SV2C: variants seen among roughly 807,000 people sequenced by gnomAD.
SV2C encodes solute carrier family 22 member B3.
SV2C carries 49 observed loss-of-function variants against 79.7 expected under a neutral mutation model. The observed-to-expected ratio is 0.61, with a 90% CI of 0.49 to 0.78. The LOEUF (loss-of-function observed/expected upper bound fraction) is 0.78. Among genes scored for constraint, SV2C ranks in the 30% least tolerant of loss-of-function variants. The pLI is 0.00. For synonymous variants in SV2C, 334 were observed against 333.2 expected (o/e 1.00, Z -0.03); for missense variants, 833 against 912.9 (o/e 0.91, Z 1.13).
rs568600852 is a variant in SV2C at position 76,131,748 on chromosome 5, A to G, written c.-3A>G. 32 of 1,591,588 alleles carry G rather than the reference A, an allele frequency of 2.0e-5. No homozygotes were observed. In the East Asian group the frequency reaches 6.5e-4, roughly 32 times the overall value. On this transcript the variant is annotated 5_prime_UTR_variant, in exon 2 of 13. It adds an upstream start codon to the 5' untranslated region. Coordinates refer to ENST00000502798, the MANE Select transcript of SV2C (RefSeq NM_014979.4). ...CTTCTCATTGGCCATCAGTTGAGATAAGATGGAAGACTCTTACAAGGATAG... is the reference window on the plus strand; with the variant it reads ...CTTCTCATTGGCCATCAGTTGAGATGAGATGGAAGACTCTTACAAGGATAG...
chr5:76,343,929 A>T (rs1749489774), intron 12 of SV2C, among the ~76,000 whole-genome samples: 1 of 152,140 alleles, frequency 6.6e-6, no homozygotes. Flanking sequence ...GCTGAGGTGG[A>T]AGGATTGATT....
At chr5:76,185,360 G>A (rs769311858) in intron 2 of SV2C, among the ~76,000 whole-genome samples, 46 of 152,260 alleles carry the variant, frequency 3.0e-4, no homozygotes, top group Non-Finnish European at 5.6e-4. Context: ...AGCTCCGTTA[G>A]GCAGTGCCAC....
At chr5:76,268,205 T>G (rs1372920131) in intron 4 of SV2C, among the ~76,000 whole-genome samples, 1 of 152,012 alleles carries the variant, frequency 6.6e-6, no homozygotes. Flanking sequence ...ATAACCTGAT[T>G]GTGGGCAGAT....
chr5:75,853,285 G>T, the SV2C span, among the ~76,000 whole-genome samples: 16,842 of 152,010 alleles, frequency 0.11, 1,001 homozygotes, highest in East Asian at 0.16. Context: ...GGCCGGGCGC[G>T]GTGGCTCACG....
At chr5:76,085,410 C>T (rs969864524) in intron 1 of SV2C, among the ~76,000 whole-genome samples, 2 of 152,162 alleles carry the variant, frequency 1.3e-5, no homozygotes, top group Non-Finnish European at 2.9e-5. Context: ...ATCAAATCCA[C>T]GATCCATTTT....
the SV2C span, among the ~76,000 whole-genome samples, chr5:76,068,975 CA>C: frequency 3.9e-5 from 6 of 152,000 alleles, no homozygotes; most frequent in African/African-American, 1.5e-4. Flanking sequence ...GCAAAGTATA[CA>C]AAAAATGAAG....
the SV2C span, among the ~76,000 whole-genome samples, chr5:75,940,633 C>T: frequency 6.6e-6 from 1 of 152,124 alleles, no homozygotes; most frequent in Admixed American, 6.6e-5. Flanking sequence ...TTTCTTACTC[C>T]AGAGTGTGAC....
chr5:76,022,673 T>C, the SV2C span, among the ~76,000 whole-genome samples: 1 of 152,212 alleles, frequency 6.6e-6, no homozygotes, highest in Non-Finnish European at 1.5e-5. Flanking sequence ...AAAATTCCCT[T>C]GTAAGCTTTT....
At chr5:75,911,286 C>T in the SV2C span, 1 of 1,439,834 alleles carries the variant, frequency 6.9e-7, no homozygotes, top group African/African-American at 1.4e-5. Context: ...CATCACCAGG[C>T]AGAACCCTGA....
intron 2 of SV2C, among the ~76,000 whole-genome samples, chr5:76,157,717 G>C (rs1742775146): frequency 6.6e-6 from 1 of 150,580 alleles, no homozygotes; most frequent in African/African-American, 2.4e-5. Flanking sequence ...ACAAACGAAG[G>C]GATCCACAAA....
At chr5:76,182,875 G>A (rs1743781416) in intron 2 of SV2C, among the ~76,000 whole-genome samples, 1 of 151,982 alleles carries the variant, frequency 6.6e-6, no homozygotes, top group South Asian at 2.1e-4. Context: ...AAGGTGAAGT[G>A]GGAGCAGGCA....
the SV2C span, among the ~76,000 whole-genome samples, chr5:76,041,981 C>G: frequency 1.3e-5 from 2 of 152,174 alleles, no homozygotes; most frequent in Non-Finnish European, 2.9e-5. Context: ...CCCACAGCAG[C>G]TCCTCTGGCT....
chr5:76,335,757 G>A (rs959305515), downstream of SV2C, among the ~76,000 whole-genome samples: 1 of 152,162 alleles, frequency 6.6e-6, no homozygotes, highest in African/African-American at 2.4e-5. Context: ...CAGATCAACA[G>A]GATCACAAGG....
At chr5:75,949,733 A>G in the SV2C span, among the ~76,000 whole-genome samples, 1 of 152,054 alleles carries the variant, frequency 6.6e-6, no homozygotes, top group African/African-American at 2.4e-5. Flanking sequence ...TCTCCAAGCC[A>G]TGTGGCACAG....
chr5:76,260,158 CATT>C (rs1316940630), intron 4 of SV2C, among the ~76,000 whole-genome samples: 2 of 152,150 alleles, frequency 1.3e-5, no homozygotes, highest in Non-Finnish European at 2.9e-5. Context: ...GATGGTATAT[CATT>C]GTGATTTTGA....
chr5:76,085,616 A>G (rs1053137981), intron 1 of SV2C, among the ~76,000 whole-genome samples: 11 of 152,060 alleles, frequency 7.2e-5, no homozygotes, highest in African/African-American at 1.7e-4. Flanking sequence ...GCTAGTCACC[A>G]TTTCCCCAAA....
the SV2C span, among the ~76,000 whole-genome samples, chr5:75,971,812 T>C: frequency 6.6e-6 from 1 of 152,028 alleles, no homozygotes; most frequent in African/African-American, 2.4e-5. Context: ...CTTCACAGAA[T>C]TGGAAAAAAC....
chr5:76,346,826 G>A (rs1749552873), intron 12 of SV2C, among the ~76,000 whole-genome samples: 1 of 152,108 alleles, frequency 6.6e-6, no homozygotes, highest in South Asian at 2.1e-4. Flanking sequence ...TCCCACTGGC[G>A]CCTCCCTTCC....
intron 12 of SV2C, among the ~76,000 whole-genome samples, chr5:76,348,323 C>T (rs1230791909): frequency 6.6e-6 from 1 of 152,142 alleles, no homozygotes; most frequent in African/African-American, 2.4e-5. Flanking sequence ...CACGGTGCAT[C>T]CATTTATCTA....
Sources: gnomAD v4.1 joint callset for allele counts (sites outside exome capture counted in the v4.1 genomes callset) on GRCh38, gnomAD v4.1.1 for gene constraint, MANE v1.5 for transcripts, NCBI Gene and HGNC (gene_info 2026-07-23, HGNC 2026-07-21) for gene names.